The following ERC2 variants were observed in gnomAD, a reference collection of about 807,000 sequenced individuals.
The protein encoded by ERC2 is ERC protein 2.
ERC2 carries 42 observed loss-of-function variants against 114.8 expected under a neutral mutation model. That is an observed-to-expected ratio of 0.37 (90% confidence interval 0.29 to 0.47). ERC2 has a LOEUF of 0.47. Among genes scored for constraint, ERC2 ranks in the 20% least tolerant of loss-of-function variants. The pLI is 0.99. For synonymous variants in ERC2, 454 were observed against 425.5 expected, an observed-to-expected ratio of 1.07 and a Z score of -0.82; for missense variants, 939 against 1,150.7, an observed-to-expected ratio of 0.82 and a Z score of 2.66.
intron 17 of ERC2, among the ~76,000 whole-genome samples, chr3:55,544,142 T>C (rs1034174609): frequency 1.3e-5 from 2 of 152,174 alleles, no homozygotes; most frequent in Non-Finnish European, 2.9e-5. Flanking sequence ...CCTCTGGGCC[T>C]GTCTGGGACG....
intron 13 of ERC2, among the ~76,000 whole-genome samples, chr3:55,892,242 C>T (rs912619026): frequency 5.3e-5 from 8 of 152,182 alleles, no homozygotes; most frequent in African/African-American, 1.9e-4. Flanking sequence ...CAGTGGCTCA[C>T]ACCTATAATC....
chr3:56,399,266 C>T (rs1420372015), intron 2 of ERC2, among the ~76,000 whole-genome samples: 2 of 152,192 alleles, frequency 1.3e-5, no homozygotes, highest in Non-Finnish European at 2.9e-5. Flanking sequence ...TTCAAAATAA[C>T]ATTAGCCTTA....
intron 2 of ERC2, among the ~76,000 whole-genome samples, chr3:56,318,369 G>T (rs911704403): frequency 6.6e-6 from 1 of 151,930 alleles, no homozygotes; most frequent in East Asian, 1.9e-4. Context: ...TAGAGATGGG[G>T]TTTCACCATG....
chr3:56,007,651 C>T (rs923187021), intron 9 of ERC2, among the ~76,000 whole-genome samples: 2 of 151,982 alleles, frequency 1.3e-5, no homozygotes, highest in African/African-American at 4.8e-5. Context: ...CTGAACCTTC[C>T]GTTTACATTT....
chr3:55,877,676 T>C (rs535030222), intron 14 of ERC2, among the ~76,000 whole-genome samples: 14 of 151,908 alleles, frequency 9.2e-5, no homozygotes, highest in Non-Finnish European at 1.5e-4. Context: ...CATGCCTGGC[T>C]AACTTTTTGT....
chr3:55,643,427 G>A (rs1454657499), intron 17 of ERC2, among the ~76,000 whole-genome samples: 2 of 152,158 alleles, frequency 1.3e-5, no homozygotes, highest in Non-Finnish European at 2.9e-5. Flanking sequence ...CTCCTCTAGG[G>A]TGTGGTTCTG....
At chr3:56,256,943 C>A (rs1352787402) in intron 3 of ERC2, among the ~76,000 whole-genome samples, 1 of 152,174 alleles carries the variant, frequency 6.6e-6, no homozygotes, top group East Asian at 1.9e-4. Context: ...ATTACCCAGT[C>A]TCAGGCATCT....
intron 15 of ERC2, among the ~76,000 whole-genome samples, chr3:55,710,742 G>A (rs967017599): frequency 5.3e-5 from 8 of 152,180 alleles, no homozygotes; most frequent in African/African-American, 7.2e-5. Context: ...TGGGGAGACC[G>A]TCTCGTAGAC....
chr3:55,752,420 C>T (rs1259503466), intron 14 of ERC2, among the ~76,000 whole-genome samples: 1 of 152,218 alleles, frequency 6.6e-6, no homozygotes, highest in East Asian at 1.9e-4. Flanking sequence ...AATTGGCAAT[C>T]ACTACCAATC....
chr3:56,204,513 T>C (rs1481721895), intron 3 of ERC2, among the ~76,000 whole-genome samples: 1 of 151,498 alleles, frequency 6.6e-6, no homozygotes, highest in African/African-American at 2.4e-5. Context: ...TTTATTTTAT[T>C]TTATTTTTTG....
intron 14 of ERC2, among the ~76,000 whole-genome samples, chr3:55,742,241 G>A (rs1399506628): frequency 6.6e-6 from 1 of 152,138 alleles, no homozygotes; most frequent in Non-Finnish European, 1.5e-5. Flanking sequence ...GTAATACATG[G>A]CTACCTCACT....
rs555950115 is a variant in ERC2, at chr3:55,698,744, T to C, written c.2847+634A>G. Among the ~76,000 whole-genome samples the C allele has an allele frequency of 8.5e-5, 13 of 152,274 alleles. No individual in the cohort carries two copies. The South Asian group carries it at 2.5e-3, about 29-fold the overall frequency. The stretch of plus-strand genomic sequence containing the variant: ...TTTCCATAAAATTCACCTTCAAGAG[T>C]TTTAATACTAAACATTGTAAATAGT... On this transcript the variant is annotated intron_variant, in intron 16 of 17. Transcript: ENST00000288221.
intron 15 of ERC2, among the ~76,000 whole-genome samples, chr3:55,720,300 T>C (rs2064463108): frequency 7.9e-6 from 1 of 127,250 alleles, no homozygotes; most frequent in African/African-American, 3.0e-5. Context: ...CCTCTCTTTC[T>C]TTATGAGACA....
chr3:56,159,248 T>G (rs2081921908), intron 4 of ERC2, among the ~76,000 whole-genome samples: 1 of 152,134 alleles, frequency 6.6e-6, no homozygotes, highest in Non-Finnish European at 1.5e-5. Context: ...GTGAGCCAAT[T>G]AAACCTTTTT....
intron 13 of ERC2, among the ~76,000 whole-genome samples, chr3:55,942,381 C>T (rs1281265746): frequency 2.9e-5 from 4 of 138,264 alleles, no homozygotes; most frequent in African/African-American, 1.1e-4. Flanking sequence ...CTCCGCCTCC[C>T]GGGTTCACGC....
At chr3:56,165,880 GT>G (rs368012904) in intron 4 of ERC2, among the ~76,000 whole-genome samples, 281 of 147,936 alleles carry the variant, frequency 1.9e-3, no homozygotes, top group East Asian at 0.011. Flanking sequence ...GAACAAAAAT[GT>G]TTTTTTTTTC....
chr3:56,171,619 G>C (rs569949130), intron 4 of ERC2, among the ~76,000 whole-genome samples: 123 of 152,142 alleles, frequency 8.1e-4, no homozygotes, highest in African/African-American at 2.9e-3. Flanking sequence ...AAGTTTCTCT[G>C]CCTTCCCATG....
chr3:56,308,405 A>C (rs952064454), intron 2 of ERC2, among the ~76,000 whole-genome samples: 2 of 152,262 alleles, frequency 1.3e-5, no homozygotes, highest in Non-Finnish European at 1.5e-5. Flanking sequence ...AGAAGGAAAA[A>C]TACACTTTGC....
intron 2 of ERC2, among the ~76,000 whole-genome samples, chr3:56,308,099 C>T (rs1034736548): frequency 3.9e-5 from 6 of 152,192 alleles, no homozygotes; most frequent in Non-Finnish European, 8.8e-5. Flanking sequence ...ACATGCCTCA[C>T]ATCCACCACT....
Sources: allele counts gnomAD v4.1 joint callset (sites outside exome capture counted in the v4.1 genomes callset), GRCh38; gene constraint gnomAD v4.1.1; transcripts MANE v1.5; gene names NCBI Gene and HGNC (gene_info 2026-07-23, HGNC 2026-07-21).